The following POTEJ variants were observed in gnomAD, a reference collection of about 807,000 sequenced individuals.
The protein encoded by POTEJ is POTE ankyrin domain family, member J.
A neutral mutation model predicts 69.0 loss-of-function variants in POTEJ; 11 were observed. The ratio of observed to expected loss-of-function variants is 0.16; its 90% CI spans 0.10 to 0.26. POTEJ has a LOEUF of 0.26. Ranked by LOEUF, POTEJ falls within the 10% of genes least tolerant of loss-of-function variation. The pLI is 1.00. For missense variants in POTEJ, 327 were observed against 1,045.5 expected (o/e 0.31, Z 9.48); for synonymous variants, 117 against 381.1 (o/e 0.31, Z 8.07).
At chr2:130,655,472 AC>A (rs1686952900) in intron 14 of POTEJ, among the ~76,000 whole-genome samples, 1 of 152,262 alleles carries the variant, frequency 6.6e-6, no homozygotes, top group Non-Finnish European at 1.5e-5. Context: ...CATTATCCTT[AC>A]TTTTGCAGAG....
chr2:130,657,475 G>T lies in POTEJ; in HGVS notation c.2715G>T (p.Leu905=), dbSNP rs1262853031. 4 of 1,576,162 alleles carry T rather than the reference G, an allele frequency of 2.5e-6. 1 individual carries two copies. The highest frequency in any genetic ancestry group is 1.5e-5 in the African/African-American group (1 of 68,352). ...SSSSLEKSYE[L]PDGQVITISN... ...CCTCCCTAGAGAAGAGCTACGAGCT[G>T]CCCGATGGCCAGGTCATCACCATCA... The change falls in exon 15 of 15, where the codon CTG becomes CTT. Residue 905 remains leucine (L), a synonymous_variant. Coordinates refer to ENST00000409602, the MANE Select transcript of POTEJ (RefSeq NM_001277083.2).
intron 14 of POTEJ, 49 bp from the exon 15 acceptor site, chr2:130,656,500 T>G (rs62165275): frequency 8.5e-6 from 12 of 1,404,120 alleles, no homozygotes; most frequent in Non-Finnish European, 1.2e-5. Context: ...AGAAATCATG[T>G]TATGTCAATC....
chr2:130,642,163 T>C (rs867665490), intron 10 of POTEJ, among the ~76,000 whole-genome samples: 1 of 147,208 alleles, frequency 6.8e-6, no homozygotes, highest in African/African-American at 2.5e-5. Flanking sequence ...CCAATCAGAA[T>C]TTTTTAGCAG....
At chr2:130,627,082 T>C (rs1197837698) in intron 6 of POTEJ, among the ~76,000 whole-genome samples, 13 of 152,202 alleles carry the variant, frequency 8.5e-5, no homozygotes, top group African/African-American at 3.1e-4. Flanking sequence ...GGTTGTACAG[T>C]AGTATTTAAC....
At chr2:130,640,720 A>G (rs202115175) in intron 10 of POTEJ, among the ~76,000 whole-genome samples, 6 of 152,214 alleles carry the variant, frequency 3.9e-5, no homozygotes, top group South Asian at 4.1e-4. Context: ...GCTGGGTCAT[A>G]CCACATGCTC....
At chr2:130,617,662 CG>C (rs1167105996) in intron 3 of POTEJ, among the ~76,000 whole-genome samples, 5 of 131,216 alleles carry the variant, frequency 3.8e-5, no homozygotes, top group African/African-American at 1.6e-4. Context: ...GTAATAGATA[CG>C]AAGGTGATGC....
At chr2:130,612,531 C>T (rs1453325443) in intron 1 of POTEJ, among the ~76,000 whole-genome samples, 3 of 152,286 alleles carry the variant, frequency 2.0e-5, no homozygotes, top group South Asian at 2.1e-4. Context: ...CTTTGGGAGG[C>T]GGGCGGATCA....
At chr2:130,644,587 T>A (rs1486824897) in intron 11 of POTEJ, among the ~76,000 whole-genome samples, 2 of 152,182 alleles carry the variant, frequency 1.3e-5, no homozygotes, top group Admixed American at 6.5e-5. Flanking sequence ...AACTTCAACA[T>A]AACCCACTAT....
intron 8 of POTEJ, among the ~76,000 whole-genome samples, chr2:130,631,794 G>GTATC: frequency 7.0e-6 from 1 of 142,432 alleles, no homozygotes; most frequent in East Asian, 1.9e-4. Context: ...CTTATTCTGT[G>GTATC]TATCTTCCAG....
In POTEJ at chr2:130,657,468, A is replaced by G. The variant is rs1240834132; in HGVS notation, c.2708A>G (p.Tyr903Cys). 12 of 1,580,780 alleles carry G rather than the reference A, an allele frequency of 7.6e-6. 1 individual carries two copies. Among genetic ancestry groups the G allele is most frequent in the Non-Finnish European group, 1.0e-5 (12 of 1,156,196 alleles). ...TCCAGCTCCTCCCTAGAGAAGAGCT[A>G]CGAGCTGCCCGATGGCCAGGTCATC... ...VASSSSLEKS[Y>C]ELPDGQVITI... The change falls in exon 15 of 15, where the codon TAC becomes TGC. Residue 903 changes from tyrosine to cysteine, a missense_variant. Tyr to Cys is a radical substitution (Grantham distance 194). Transcript: ENST00000409602.
At position 130,656,819 on chromosome 2, in the gene POTEJ, G is replaced by A. The variant is rs572289826; in HGVS notation, c.2059G>A (p.Asp687Asn). ...SGMCKAGFAG[D>N]DAPRAVFPSI... Reference sequence around the variant, plus strand: ...CATGTGCAAGGCCGGCTTTGCGGGCGACGATGCCCCCCGGGCTGTCTTCCC... The same window carrying A: ...CATGTGCAAGGCCGGCTTTGCGGGCAACGATGCCCCCCGGGCTGTCTTCCC... The change falls in exon 15 of 15, where the codon GAC (aspartate) becomes AAC (asparagine). Residue 687 changes from aspartate (D) to asparagine (N), a missense_variant. Transcript: ENST00000409602. 162 of 1,608,266 alleles carry A rather than the reference G, an allele frequency of 1.0e-4. No individual in the cohort carries two copies. Among genetic ancestry groups the A allele is most frequent in the Middle Eastern group, 7.9e-4 (4 of 5,032 alleles).
chr2:130,649,330 C>G (rs866066406), intron 13 of POTEJ, among the ~76,000 whole-genome samples: 2 of 152,208 alleles, frequency 1.3e-5, no homozygotes, highest in Non-Finnish European at 2.9e-5. Flanking sequence ...TCCAGTTGCT[C>G]TGCCAAAAAC....
At chr2:130,631,190 C>T (rs1398713049) in intron 7 of POTEJ, among the ~76,000 whole-genome samples, 1 of 148,450 alleles carries the variant, frequency 6.7e-6, no homozygotes, top group Non-Finnish European at 1.5e-5. Flanking sequence ...TAGTCAGAAG[C>T]CAGTAATGTG....
chr2:130,650,912 C>T (rs1211934230), intron 13 of POTEJ, among the ~76,000 whole-genome samples: 7 of 29,494 alleles, frequency 2.4e-4, no homozygotes, highest in African/African-American at 7.7e-4. Flanking sequence ...CCCTGAGGAG[C>T]TGGGATTACA....
At chr2:130,633,178 A>G (rs567669556) in intron 9 of POTEJ, among the ~76,000 whole-genome samples, 1 of 141,946 alleles carries the variant, frequency 7.0e-6, no homozygotes, top group Admixed American at 7.0e-5. Context: ...TGCTTAGGAT[A>G]ATGGCCTCCA....
At chr2:130,624,913 G>A (rs1183109593) in intron 6 of POTEJ, among the ~76,000 whole-genome samples, 2 of 152,218 alleles carry the variant, frequency 1.3e-5, no homozygotes, top group East Asian at 1.9e-4. Context: ...CAGTAATTTT[G>A]TTAGAACAAG....
rs1355079957 is a variant in POTEJ, at chr2:130,636,862, G to A, written c.1299-1757G>A. On this transcript the variant is annotated intron_variant, in intron 9 of 14. Coordinates refer to ENST00000409602, the MANE Select transcript of POTEJ (RefSeq NM_001277083.2). ...AATCACAGCACTTTGGGAGGCCAAGGCAGGCGGATCACGAGGTCAGGAGAT... is the reference window on the plus strand; with the variant it reads ...AATCACAGCACTTTGGGAGGCCAAGACAGGCGGATCACGAGGTCAGGAGAT... Among the ~76,000 whole-genome samples, 6 of 147,464 alleles carry A rather than the reference G, an allele frequency of 4.1e-5. 1 individual carries two copies. The highest frequency in any genetic ancestry group is 6.9e-5 in the Admixed American group (1 of 14,596).
intron 3 of POTEJ, among the ~76,000 whole-genome samples, 155 bp from the exon 4 acceptor site, chr2:130,619,890 G>A (rs1281086277): frequency 0.013 from 2,003 of 151,220 alleles, 10 homozygotes; most frequent in African/African-American, 0.046. Flanking sequence ...AAGGAGCAGC[G>A]TGTGGGAAAG....
chr2:130,624,251 A>T, intron 6 of POTEJ, 117 bp downstream of exon 6: 2 of 587,768 alleles, frequency 3.4e-6, no homozygotes, highest in Admixed American at 3.2e-5. Context: ...GGATGGTTTC[A>T]GGATTATTCA....
Sources: gnomAD v4.1 joint callset for allele counts (sites outside exome capture counted in the v4.1 genomes callset) on GRCh38, gnomAD v4.1.1 for gene constraint, MANE v1.5 for transcripts, NCBI Gene and HGNC (gene_info 2026-07-23, HGNC 2026-07-21) for gene names.